The following DPYSL2 variants were observed in gnomAD, a reference collection of about 807,000 sequenced individuals.
DPYSL2 encodes dihydropyrimidinase-related protein 2.
A neutral mutation model predicts 69.9 loss-of-function variants in DPYSL2; 13 were observed. The ratio of observed to expected loss-of-function variants is 0.19; its 90% CI spans 0.12 to 0.30. DPYSL2 has a LOEUF of 0.30. Among genes scored for constraint, DPYSL2 ranks in the 10% least tolerant of loss-of-function variants. The probability of loss-of-function intolerance (pLI) is 1.00; values close to 1 mark genes in which losing one functional copy is unlikely to be tolerated. For missense variants in DPYSL2, 587 were observed against 918.9 expected, an observed-to-expected ratio of 0.64 and a Z score of 4.67; for synonymous variants, 326 against 359.1, an observed-to-expected ratio of 0.91 and a Z score of 1.04.
intron 1 of DPYSL2, among the ~76,000 whole-genome samples, chr8:26,568,248 C>A (rs1460651026): frequency 6.6e-6 from 1 of 152,122 alleles, no homozygotes; most frequent in Non-Finnish European, 1.5e-5. Flanking sequence ...TGGAGAGCCC[C>A]CAGCCCAAGC....
rs1294669997 is a variant in DPYSL2, at chr8:26,640,446, T to A, written c.1127-2993T>A. 6.6e-6 allele frequency among the ~76,000 whole-genome samples: 1 copy of A among 152,212 alleles called. No homozygotes were observed. Among genetic ancestry groups the A allele is most frequent in the African/African-American group, 2.4e-5 (1 of 41,458 alleles). On this transcript the variant is annotated intron_variant, in intron 8 of 13. Coordinates refer to ENST00000521913, the MANE Select transcript of DPYSL2 (RefSeq NM_001197293.3). The surrounding 1 kb of genome is among the most constrained non-coding windows in gnomAD (Gnocchi z 4.2). ...ATTAAGCCCATTTCGTGGTTTATTA[T>A]TATTAGTGGTAATTATTTCTGGCAT...
At chr8:26,631,068 A>G (rs1462926810) in intron 7 of DPYSL2, among the ~76,000 whole-genome samples, 1 of 152,226 alleles carries the variant, frequency 6.6e-6, no homozygotes, top group African/African-American at 2.4e-5. Flanking sequence ...AGGGGCTTGC[A>G]TTCCTTCTTT....
At chr8:26,615,015 G>C (rs972761742) in intron 3 of DPYSL2, among the ~76,000 whole-genome samples, 2 of 152,360 alleles carry the variant, frequency 1.3e-5, no homozygotes, top group East Asian at 3.9e-4. Context: ...CCAAGGCCAC[G>C]TGGTTGACCA....
intron 3 of DPYSL2, among the ~76,000 whole-genome samples, chr8:26,589,873 C>CA (rs1453793118): frequency 1.3e-5 from 2 of 152,244 alleles, no homozygotes; most frequent in African/African-American, 4.8e-5. Context: ...GTGGACCCAG[C>CA]AGTCATTCCC....
At chr8:26,577,763 G>T in intron 1 of DPYSL2, 1 of 978,338 alleles carries the variant, frequency 1.0e-6, no homozygotes, top group Non-Finnish European at 1.2e-6. Flanking sequence ...GCCGCCCCCG[G>T]CCGTTCACTG....
intron 1 of DPYSL2, among the ~76,000 whole-genome samples, chr8:26,573,225 C>T (rs73226164): frequency 0.11 from 17,039 of 152,142 alleles, 1,045 homozygotes; most frequent in Middle Eastern, 0.17. Flanking sequence ...AAGGAAGGCC[C>T]GGCAAAGTGA....
At chr8:26,584,838 C>G (rs147311641) in intron 3 of DPYSL2, among the ~76,000 whole-genome samples, 1 of 151,904 alleles carries the variant, frequency 6.6e-6, no homozygotes, top group Admixed American at 6.6e-5. Flanking sequence ...AGGCTGGTCT[C>G]GAACTCCCCA....
intron 1 of DPYSL2, among the ~76,000 whole-genome samples, chr8:26,550,727 ACTGT>A (rs1005654008): frequency 5.3e-5 from 8 of 152,298 alleles, no homozygotes; most frequent in African/African-American, 1.9e-4. Context: ...CCCATGATAG[ACTGT>A]CTGCAAGCTG....
Position 26,647,583 on chromosome 8 carries a change from C to A in DPYSL2, c.1426-47C>A. The A allele has an allele frequency of 6.5e-7, 1 of 1,542,562 alleles. No individual in the cohort carries two copies. The highest frequency in any genetic ancestry group is 8.7e-7 in the Non-Finnish European group (1 of 1,143,998). On this transcript the variant is annotated intron_variant, in intron 10 of 13. Transcript: ENST00000521913. This position sits in a 1 kb window ranked among gnomAD's most constrained non-coding sequence, Gnocchi z 5.1. ...GTTATTGAAAAGTAACTTTTTAACT[C>A]GTTTCTGCTGTGTGCCTCCTGTGCA...
In DPYSL2 at chr8:26,624,398, A is replaced by C; in HGVS notation, c.793+91A>C. On this transcript the variant is annotated intron_variant, in intron 4 of 13. Coordinates refer to ENST00000521913, the MANE Select transcript of DPYSL2 (RefSeq NM_001197293.3). This position sits in a 1 kb window ranked among gnomAD's most constrained non-coding sequence, Gnocchi z 4.7. ...CTGGGAAGAAAGTGATAATGCTTCC[A>C]GATCCCATTTGTGCCTCATGCCCAT... is the stretch of plus-strand genomic sequence containing the variant. 1 of 1,496,886 alleles carries C rather than the reference A, an allele frequency of 6.7e-7. No homozygotes were observed. Among genetic ancestry groups the C allele is most frequent in the Non-Finnish European group, 9.1e-7 (1 of 1,099,826 alleles). The allele number at this position is 1,496,886 out of a possible 1,614,324, so 92.7% of individuals were successfully genotyped here.
At position 26,605,693 on chromosome 8, in the gene DPYSL2, ATAAC is replaced by A. The variant is rs1218127394; in HGVS notation, c.629-18449_629-18446del. On this transcript the variant is annotated intron_variant, in intron 3 of 13. Transcript: ENST00000521913. This position sits in a 1 kb window ranked among gnomAD's most constrained non-coding sequence, Gnocchi z 4.1. The stretch of plus-strand genomic sequence containing the variant: ...TTAATAGCTTCCCTGTATGTCATAA[ATAAC>A]CAATCAGAAAACATAATTTAAAAAA... Among the ~76,000 whole-genome samples the A allele has an allele frequency of 6.6e-6, 1 of 152,250 alleles. No individual in the cohort carries two copies. The highest frequency in any genetic ancestry group is 2.4e-5 in the African/African-American group (1 of 41,464).
rs1801234476 is a variant in DPYSL2, at chr8:26,571,450, G to A, written c.355-10519G>A. ...GGCCTGAGGCACGATGGCTGAGCTA[G>A]GTGCCCTTTGTCCCCATCAGGGATA... On this transcript the variant is annotated intron_variant, in intron 1 of 13. Coordinates refer to ENST00000521913, the MANE Select transcript of DPYSL2 (RefSeq NM_001197293.3). The surrounding 1 kb of genome is among the most constrained non-coding windows in gnomAD (Gnocchi z 6.1). 6.6e-6 allele frequency among the ~76,000 whole-genome samples: 1 copy of A among 152,166 alleles called. No individual in the cohort carries two copies. The highest frequency in any genetic ancestry group is 1.5e-5 in the Non-Finnish European group (1 of 68,038).
intron 1 of DPYSL2, among the ~76,000 whole-genome samples, chr8:26,539,362 T>A (rs1800643189): frequency 6.6e-6 from 1 of 152,194 alleles, no homozygotes; most frequent in African/African-American, 2.4e-5. Flanking sequence ...CAACCACTCC[T>A]GTGAGATAAC....
chr8:26,575,482 T>C (rs1801312358), intron 1 of DPYSL2, among the ~76,000 whole-genome samples: 1 of 152,230 alleles, frequency 6.6e-6, no homozygotes. Flanking sequence ...TCTTCCTCGG[T>C]CAATTTAAAC....
At chr8:26,592,752 C>T (rs1014529813) in intron 3 of DPYSL2, among the ~76,000 whole-genome samples, 1 of 152,202 alleles carries the variant, frequency 6.6e-6, no homozygotes, top group Admixed American at 6.5e-5. Flanking sequence ...GCTGGGATTA[C>T]AGGCATGTCC....
rs959207887 is a variant in DPYSL2 at position 26,585,940 on chromosome 8, C to G, written c.628+1957C>G. Reference sequence around the variant, plus strand: ...TAGCCTGGCCAATATGGCGAATCTACTACAAATACAAAAATTAGCTAGGCA... The same window carrying G: ...TAGCCTGGCCAATATGGCGAATCTAGTACAAATACAAAAATTAGCTAGGCA... On this transcript the variant is annotated intron_variant, in intron 3 of 13. Coordinates refer to ENST00000521913, the MANE Select transcript of DPYSL2 (RefSeq NM_001197293.3). This position sits in a 1 kb window ranked among gnomAD's most constrained non-coding sequence, Gnocchi z 4.0. Among the ~76,000 whole-genome samples the G allele has an allele frequency of 6.6e-6, 1 of 152,140 alleles. No individual in the cohort carries two copies. Among genetic ancestry groups the G allele is most frequent in the African/African-American group, 2.4e-5 (1 of 41,418 alleles).
chr8:26,640,032 ACTGT>A lies in DPYSL2; in HGVS notation c.1127-3393_1127-3390del, dbSNP rs556906321. Among the ~76,000 whole-genome samples, 695 of 152,244 alleles carry A rather than the reference ACTGT, an allele frequency of 4.6e-3. 9 individuals carry two copies. Among genetic ancestry groups the A allele is most frequent in the Non-Finnish European group, 5.3e-3 (361 of 68,008 alleles). ...AAGGAGAATGGTGAGAGCGTGTGTA[ACTGT>A]CTGTCTGTCTGTCCATCCCAGTTGG... On this transcript the variant is annotated intron_variant, in intron 8 of 13. Coordinates refer to ENST00000521913, the MANE Select transcript of DPYSL2 (RefSeq NM_001197293.3). This position sits in a 1 kb window ranked among gnomAD's most constrained non-coding sequence, Gnocchi z 4.2.
rs2129757351 is a variant in DPYSL2 at position 26,587,882 on chromosome 8, T to C, written c.628+3899T>C. Among the ~76,000 whole-genome samples, 1 of 152,188 alleles carries C rather than the reference T, an allele frequency of 6.6e-6. No homozygotes were observed. The highest frequency in any genetic ancestry group is 1.5e-5 in the Non-Finnish European group (1 of 67,996). On this transcript the variant is annotated intron_variant, in intron 3 of 13. Transcript: ENST00000521913. The surrounding 1 kb of genome is among the most constrained non-coding windows in gnomAD (Gnocchi z 4.2). ...GCAGCTGGGAACAGTTACCTCTATTTTATAGAGGGGAAGACTGAGGCCGGA... is the reference window on the plus strand; with the variant it reads ...GCAGCTGGGAACAGTTACCTCTATTCTATAGAGGGGAAGACTGAGGCCGGA...
chr8:26,540,757 T>A (rs1317173309), intron 1 of DPYSL2, among the ~76,000 whole-genome samples: 1 of 151,866 alleles, frequency 6.6e-6, no homozygotes, highest in Admixed American at 6.6e-5. Flanking sequence ...AATACAAAAT[T>A]ACCTAGGCAT....
Sources: gnomAD v4.1 joint callset for allele counts (sites outside exome capture counted in the v4.1 genomes callset) on GRCh38, gnomAD v4.1.1 for gene constraint, Gnocchi (gnomAD v3.1) non-coding constraint, MANE v1.5 for transcripts, NCBI Gene and HGNC (gene_info 2026-07-23, HGNC 2026-07-21) for gene names.